Variants in COL7A1 observed in about 807,000 individuals in gnomAD.
COL7A1 encodes collagen alpha-1(VII) chain.
COL7A1 carries 296 observed loss-of-function variants against 456.2 expected under a neutral mutation model. The ratio of observed to expected loss-of-function variants is 0.65; its 90% CI spans 0.59 to 0.71. COL7A1 has a LOEUF of 0.71. Among genes scored for constraint, COL7A1 ranks in the 30% least tolerant of loss-of-function variants. COL7A1 has a pLI of 0.00. For missense variants in COL7A1, 3,441 were observed against 4,017.2 expected, an observed-to-expected ratio of 0.86 and a Z score of 3.88; for synonymous variants, 1,464 against 1,525.9, an observed-to-expected ratio of 0.96 and a Z score of 0.95.
chr3:48,578,375 C>G lies in COL7A1; in HGVS notation c.5488-10G>C. The stretch of plus-strand genomic sequence containing the variant: ...CCTCGCCTGGCTTTCCCTGTGGGAA[C>G]AGATCACTGGTTGGATGTCGGGGAT... On this transcript the variant is annotated splice_polypyrimidine_tract_variant and intron_variant, in intron 64 of 118. Coordinates refer to ENST00000681320, the MANE Select transcript of COL7A1 (RefSeq NM_000094.4). This position sits in a 1 kb window ranked among gnomAD's most constrained non-coding sequence, Gnocchi z 4.7. 6.2e-7 allele frequency: 1 copy of G among 1,613,418 alleles called. No individual in the cohort carries two copies. The highest frequency in any genetic ancestry group is 8.5e-7 in the Non-Finnish European group (1 of 1,180,026).
At position 48,576,248 on chromosome 3, in the gene COL7A1, C is replaced by G. The variant is rs2107679315; in HGVS notation, c.5820+1G>C. On this transcript the variant is annotated splice_donor_variant, in intron 71 of 118. Coordinates refer to ENST00000681320, the MANE Select transcript of COL7A1 (RefSeq NM_000094.4). LOFTEE classifies it high-confidence loss of function. ...AAGGGGACATCCCAAGCCTGGCTCA[C>G]CGGCACACTTCCAGGCTCTCCTCGC... 1.9e-6 allele frequency: 3 copies of G among 1,613,738 alleles called. No individual in the cohort carries two copies. The highest frequency in any genetic ancestry group is 2.5e-6 in the Non-Finnish European group (3 of 1,180,018).
chr3:48,571,604 C>T lies in COL7A1; in HGVS notation c.7069-326G>A, dbSNP rs1315540673. On this transcript the variant is annotated intron_variant, in intron 92 of 118. Coordinates refer to ENST00000681320, the MANE Select transcript of COL7A1 (RefSeq NM_000094.4). This position sits in a 1 kb window ranked among gnomAD's most constrained non-coding sequence, Gnocchi z 4.6. ...GGGCGCTCAGAGGGGAACCCCAACA[C>T]GTCCACTCCCGGGTAGAGCAGGCAT... The T allele has an allele frequency of 1.4e-5, 9 of 660,446 alleles. No homozygotes were observed. Among genetic ancestry groups the T allele is most frequent in the African/African-American group, 5.3e-5 (3 of 56,306 alleles). The allele number at this position is 660,446 out of a possible 1,614,324, so 40.9% of individuals were successfully genotyped here.
In COL7A1 at chr3:48,572,299, A is replaced by T; in HGVS notation, c.6978+81T>A. The T allele has an allele frequency of 1.2e-6, 2 of 1,613,076 alleles. No homozygotes were observed. Among genetic ancestry groups the T allele is most frequent in the Non-Finnish European group, 1.7e-6 (2 of 1,179,094 alleles). Reference sequence around the variant, plus strand: ...AGCTGAGGGTCATGAGGGTGGGTAAACTATGGGTCGAAGGTCAGAAGTTAG... The same window carrying T: ...AGCTGAGGGTCATGAGGGTGGGTAATCTATGGGTCGAAGGTCAGAAGTTAG... On this transcript the variant is annotated intron_variant, in intron 90 of 118. Transcript: ENST00000681320. This position sits in a 1 kb window ranked among gnomAD's most constrained non-coding sequence, Gnocchi z 4.6.
Position 48,573,332 on chromosome 3 carries a change from G to A in COL7A1, c.6635C>T (p.Thr2212Ile), listed in dbSNP as rs1011080155. Residue 2212 changes from threonine (T) to isoleucine (I), a missense_variant, in exon 84 of 119, where the codon ACA becomes ATA. By Grantham distance (89) the Thr-to-Ile change is moderately conservative. This residue lies in a region of COL7A1 where 2,084 missense variants were observed against 2,501.3 expected (regional missense o/e 0.83). Coordinates refer to ENST00000681320, the MANE Select transcript of COL7A1 (RefSeq NM_000094.4). The surrounding 1 kb of genome is among the most constrained non-coding windows in gnomAD (Gnocchi z 5.5). ...GCCACTCACCCGTCCTGGAGGTCCT[G>A]TCTCTCCAGGCTCCCCCTGCAAACA... ...PSGLKGEPGE[T>I]GPPGRGLTGP... 22 of 1,614,024 alleles carry A rather than the reference G, an allele frequency of 1.4e-5. No homozygotes were observed. The highest frequency in any genetic ancestry group is 1.8e-5 in the Non-Finnish European group (21 of 1,180,014).
chr3:48,587,591 A>T lies in COL7A1; in HGVS notation c.2858-37T>A. ...ATGAAAGATCGAGGATCAGAGGCTGAGTCCTGAGAACCCAGAAGGGAGAGA... is the reference window on the plus strand; with the variant it reads ...ATGAAAGATCGAGGATCAGAGGCTGTGTCCTGAGAACCCAGAAGGGAGAGA... On this transcript the variant is annotated intron_variant, in intron 22 of 118. Coordinates refer to ENST00000681320, the MANE Select transcript of COL7A1 (RefSeq NM_000094.4). This position sits in a 1 kb window ranked among gnomAD's most constrained non-coding sequence, Gnocchi z 6.1. 6.2e-7 allele frequency: 1 copy of T among 1,613,290 alleles called. No individual in the cohort carries two copies. The highest frequency in any genetic ancestry group is 8.5e-7 in the Non-Finnish European group (1 of 1,179,982).
rs780434802 is a variant in COL7A1 at position 48,578,358 on chromosome 3, G to A, written c.5495C>T (p.Pro1832Leu). 3 of 1,613,248 alleles carry A rather than the reference G, an allele frequency of 1.9e-6. No individual in the cohort carries two copies. In the Admixed American group the frequency reaches 5.0e-5, roughly 27 times the overall value. ...CAGGCCAGGTTTGCCATCCTCGCCT[G>A]GCTTTCCCTGTGGGAACAGATCACT... ...PSGPPGLPGK[P>L]GEDGKPGLNG... The change falls in exon 65 of 119, where the codon CCA becomes CTA. Residue 1832 changes from proline to leucine, a missense_variant. Pro to Leu is a moderately conservative substitution (Grantham distance 98). Transcript: ENST00000681320. The surrounding 1 kb of genome is among the most constrained non-coding windows in gnomAD (Gnocchi z 4.7).
Position 48,566,520 on chromosome 3 carries a change from G to A in COL7A1, c.8348C>T (p.Ala2783Val), listed in dbSNP as rs774788540. The change falls in exon 113 of 119, where the codon GCT becomes GTT. Residue 2783 changes from alanine to valine, a missense_variant. This residue lies in a region of COL7A1 where 2,084 missense variants were observed against 2,501.3 expected (regional missense o/e 0.83). Transcript: ENST00000681320. The surrounding 1 kb of genome is among the most constrained non-coding windows in gnomAD (Gnocchi z 5.9). ...PAGPRGEKGEAALTEDDIRGF... is the reference protein window; with the variant it reads ...PAGPRGEKGEVALTEDDIRGF... Reference sequence around the variant, plus strand: ...CAGGCCCACACTCACCGTCAGTGCAGCTTCTCCCTTCTCGCCTCGAGGACC... The same window carrying A: ...CAGGCCCACACTCACCGTCAGTGCAACTTCTCCCTTCTCGCCTCGAGGACC... 2.5e-6 allele frequency: 4 copies of A among 1,613,946 alleles called. No individual in the cohort carries two copies. Among genetic ancestry groups the A allele is most frequent in the Non-Finnish European group, 2.5e-6 (3 of 1,179,934 alleles).
Position 48,582,069 on chromosome 3 carries a change from A to G in COL7A1, c.4636-126T>C, listed in dbSNP as rs376718537. 3.0e-4 allele frequency: 421 copies of G among 1,408,964 alleles called. 4 individuals are homozygous for G. The South Asian group carries it at 4.6e-3, about 15-fold the overall frequency. The allele number at this position is 1,408,964 out of a possible 1,614,324, so 87.3% of individuals were successfully genotyped here. On this transcript the variant is annotated intron_variant, in intron 47 of 118. Coordinates refer to ENST00000681320, the MANE Select transcript of COL7A1 (RefSeq NM_000094.4). ...CTCAGTCCCCGCCCAGAAGTCACAG[A>G]GTCACCGCTGACAGCAGGGAAGGGG... is the stretch of plus-strand genomic sequence containing the variant.
chr3:48,571,892 G>C lies in COL7A1; in HGVS notation c.7068+109C>G. On this transcript the variant is annotated intron_variant, in intron 92 of 118. Coordinates refer to ENST00000681320, the MANE Select transcript of COL7A1 (RefSeq NM_000094.4). The surrounding 1 kb of genome is among the most constrained non-coding windows in gnomAD (Gnocchi z 4.6). ...AGCAGGCTCCTGGATGTTGGGACAT[G>C]CAGCCCGACTCAGGGGCTCAGACAT... 3.0e-6 allele frequency: 4 copies of C among 1,348,572 alleles called. No homozygotes were observed. The highest frequency in any genetic ancestry group is 4.1e-6 in the Non-Finnish European group (4 of 964,370). 83.5% of individuals were successfully genotyped at this position (1,348,572 alleles called of 1,614,324 possible). A position where few individuals can be genotyped will look rare whatever the true frequency, so the allele number is the denominator to read the frequency against.
Position 48,593,313 on chromosome 3 carries a change from C to A in COL7A1, c.520+43G>T. 1 of 1,613,846 alleles carries A rather than the reference C, an allele frequency of 6.2e-7. No homozygotes were observed. On this transcript the variant is annotated intron_variant, in intron 5 of 118. Transcript: ENST00000681320. The surrounding 1 kb of genome is among the most constrained non-coding windows in gnomAD (Gnocchi z 4.4). ...CAGTCACCCACATGCTCTCTGACTG[C>A]CCCCACCCCCCAGCTGACCTGTCAC...
In COL7A1 at chr3:48,570,277, G is replaced by A. The variant is rs113508522; in HGVS notation, c.7438C>T (p.Arg2480Trp). 2.1e-5 allele frequency: 34 copies of A among 1,613,366 alleles called. No homozygotes were observed. In the South Asian group the frequency reaches 2.4e-4, roughly 11 times the overall value. ...GCTGTGGAGTAAGACATACGTACCC[G>A]GATGCCTGGCTCCCCACGCTCGCCT... ...PRGERGEPGI[R>W]GEDGRPGQEG... Residue 2480 changes from arginine (R) to tryptophan (W), a missense_variant and splice_region_variant, in exon 98 of 119, where the codon CGG (arginine) becomes TGG (tryptophan). Arg to Trp is a moderately radical substitution (Grantham distance 101, BLOSUM62 -3). Around this residue, in one of 3 missense-constraint regions of COL7A1, gnomAD observed 2,084 missense variants for 2,501.3 expected, o/e 0.83. Coordinates refer to ENST00000681320, the MANE Select transcript of COL7A1 (RefSeq NM_000094.4). The surrounding 1 kb of genome is among the most constrained non-coding windows in gnomAD (Gnocchi z 5.5).
At position 48,593,465 on chromosome 3, in the gene COL7A1, G is replaced by A. The variant is rs369757980; in HGVS notation, c.427-16C>T. ...GGATGCAGACCTGGGACAGGTGCAG[G>A]GGTCAAATCACGGTTCCCCTGGACA... On this transcript the variant is annotated splice_polypyrimidine_tract_variant and intron_variant, in intron 4 of 118. Transcript: ENST00000681320. This position sits in a 1 kb window ranked among gnomAD's most constrained non-coding sequence, Gnocchi z 4.4. 6 of 1,613,924 alleles carry A rather than the reference G, an allele frequency of 3.7e-6. No individual in the cohort carries two copies. The highest frequency in any genetic ancestry group is 5.1e-6 in the Non-Finnish European group (6 of 1,180,018).
rs1436334230 is a variant in COL7A1, at chr3:48,579,523, T to G, written c.5236-8A>C. 4 of 1,613,760 alleles carry G rather than the reference T, an allele frequency of 2.5e-6. No individual in the cohort carries two copies. Among genetic ancestry groups the G allele is most frequent in the Non-Finnish European group, 3.4e-6 (4 of 1,179,998 alleles). ...CCGAAACCCTTCAATGCCCTGAGGA[T>G]AGGGGAGGAAGAAATCAGAGCAGGC... On this transcript the variant is annotated splice_polypyrimidine_tract_variant and splice_region_variant and intron_variant, in intron 59 of 118. Transcript: ENST00000681320. This position sits in a 1 kb window ranked among gnomAD's most constrained non-coding sequence, Gnocchi z 4.4.
Position 48,579,260 on chromosome 3 carries a change from AG to A in COL7A1, c.5324del (p.Pro1775LeufsTer66). On this transcript the variant is annotated frameshift_variant, in exon 62 of 119. Transcript: ENST00000681320. LOFTEE classifies it high-confidence loss of function. This position sits in a 1 kb window ranked among gnomAD's most constrained non-coding sequence, Gnocchi z 4.4. ...CCAGTCCGCTCCGGCCATCCAGCCC[AG>A]GGGGACCCCGGTCACCCTGTGGAAA... The part of the protein sequence containing the change: ...PAGEKGDRGP[P>X]GLDGRSGLDG... 3 of 1,613,962 alleles carry A rather than the reference AG, an allele frequency of 1.9e-6. No individual in the cohort carries two copies. Among genetic ancestry groups the A allele is most frequent in the Non-Finnish European group, 2.5e-6 (3 of 1,180,016 alleles).
In COL7A1 at chr3:48,592,557, C is replaced by T. The variant is rs1006307765; in HGVS notation, c.976+13G>A. 5.6e-6 allele frequency: 9 copies of T among 1,613,730 alleles called. No homozygotes were observed. Among genetic ancestry groups the T allele is most frequent in the Non-Finnish European group, 7.6e-6 (9 of 1,180,022 alleles). On this transcript the variant is annotated intron_variant, in intron 8 of 118. Coordinates refer to ENST00000681320, the MANE Select transcript of COL7A1 (RefSeq NM_000094.4). This position sits in a 1 kb window ranked among gnomAD's most constrained non-coding sequence, Gnocchi z 7.6. ...TTAGGTGAATGGGGTCAGAGGCTGGCAGAATTGCTCACTGGTCCGAGCTGT... is the reference window on the plus strand; with the variant it reads ...TTAGGTGAATGGGGTCAGAGGCTGGTAGAATTGCTCACTGGTCCGAGCTGT...
rs1288809582 is a variant in COL7A1 at position 48,574,195 on chromosome 3, A to T, written c.6501+67T>A. 6.3e-7 allele frequency: 1 copy of T among 1,585,942 alleles called. No individual in the cohort carries two copies. Among genetic ancestry groups the T allele is most frequent in the Non-Finnish European group, 8.6e-7 (1 of 1,156,356 alleles). On this transcript the variant is annotated intron_variant, in intron 80 of 118. Transcript: ENST00000681320. This position sits in a 1 kb window ranked among gnomAD's most constrained non-coding sequence, Gnocchi z 5.0. Reference sequence around the variant, plus strand: ...AACACACACACACAGACATGCACACACACAGCAGCAGCAGCACCTAGCGGA... The same window carrying T: ...AACACACACACACAGACATGCACACTCACAGCAGCAGCAGCACCTAGCGGA...
At position 48,586,507 on chromosome 3, in the gene COL7A1, G is replaced by A. The variant is rs116512620; in HGVS notation, c.3404-29C>T. Reference sequence around the variant, plus strand: ...GAAGGAAGGACATGTCAGAACCCTGGGGCACCAAGCTCCCAGTGGATAGCC... The same window carrying A: ...GAAGGAAGGACATGTCAGAACCCTGAGGCACCAAGCTCCCAGTGGATAGCC... On this transcript the variant is annotated intron_variant, in intron 26 of 118. Coordinates refer to ENST00000681320, the MANE Select transcript of COL7A1 (RefSeq NM_000094.4). This position sits in a 1 kb window ranked among gnomAD's most constrained non-coding sequence, Gnocchi z 5.1. The A allele has an allele frequency of 6.0e-4, 972 of 1,613,726 alleles. 7 individuals are homozygous for A. In the African/African-American group the frequency reaches 0.012, roughly 20 times the overall value.
chr3:48,571,715 G>A lies in COL7A1; in HGVS notation c.7068+286C>T, dbSNP rs1462425096. 1.6e-6 allele frequency: 1 copy of A among 642,184 alleles called. No homozygotes were observed. Among genetic ancestry groups the A allele is most frequent in the Non-Finnish European group, 2.9e-6 (1 of 345,808 alleles). The allele number at this position is 642,184 out of a possible 1,614,324, so 39.8% of individuals were successfully genotyped here. On this transcript the variant is annotated intron_variant, in intron 92 of 118. Transcript: ENST00000681320. The surrounding 1 kb of genome is among the most constrained non-coding windows in gnomAD (Gnocchi z 4.6). Reference sequence around the variant, plus strand: ...CAAGGAGAGGTTCACAAGAACTCAGGTGTGTCCTGGGATCTGGGAGATCAG... The same window carrying A: ...CAAGGAGAGGTTCACAAGAACTCAGATGTGTCCTGGGATCTGGGAGATCAG...
rs772578349 is a variant in COL7A1 at position 48,564,448 on chromosome 3, C to G, written c.8819-26G>C. 6.2e-7 allele frequency: 1 copy of G among 1,613,582 alleles called. No individual in the cohort carries two copies. Among genetic ancestry groups the G allele is most frequent in the Non-Finnish European group, 8.5e-7 (1 of 1,179,844 alleles). On this transcript the variant is annotated intron_variant, in intron 118 of 118. Transcript: ENST00000681320. The surrounding 1 kb of genome is among the most constrained non-coding windows in gnomAD (Gnocchi z 6.0). Reference sequence around the variant, plus strand: ...CTGGTGAGGACAGGTTGGAAACGGTCGTCAGCCATCTGACCTTCCCCGGAG... The same window carrying G: ...CTGGTGAGGACAGGTTGGAAACGGTGGTCAGCCATCTGACCTTCCCCGGAG...
Sources: allele counts gnomAD v4.1 joint callset, GRCh38; gene constraint gnomAD v4.1.1; regional missense constraint gnomAD v4.1.1; non-coding constraint Gnocchi (gnomAD v3.1); transcripts MANE v1.5; gene names NCBI Gene and HGNC (gene_info 2026-07-23, HGNC 2026-07-21).